The following COL13A1 variants were observed in gnomAD, a reference collection of about 807,000 sequenced individuals.
COL13A1 encodes the protein collagen type XIII alpha 1 chain.
In COL13A1, 89 loss-of-function variants were observed where a neutral mutation model predicts 130.9. That is an observed-to-expected ratio of 0.68 (90% CI 0.57 to 0.81). The LOEUF (loss-of-function observed/expected upper bound fraction) is 0.81. Among genes scored for constraint, COL13A1 ranks in the 30% least tolerant of loss-of-function variants. The probability of loss-of-function intolerance (pLI) is 0.00; values close to 1 mark genes in which losing one functional copy is unlikely to be tolerated. For synonymous variants in COL13A1, 402 were observed against 341.6 expected (o/e 1.18, Z -1.95); for missense variants, 879 against 934.6 (o/e 0.94, Z 0.78).
intron 1 of COL13A1, 91 bp from the exon 2 acceptor site, chr10:69,822,278 C>T: frequency 1.0e-6 from 1 of 994,618 alleles, no homozygotes; most frequent in South Asian, 1.9e-5. Flanking sequence ...GTTTCCCCCT[C>T]TTCCTGCCCT....
At chr10:69,891,264 C>T (rs999565210) in intron 10 of COL13A1, among the ~76,000 whole-genome samples, 3 of 152,252 alleles carry the variant, frequency 2.0e-5, no homozygotes, top group African/African-American at 7.2e-5. Flanking sequence ...ACAAAAACCT[C>T]ACCCAGGCCA....
intron 21 of COL13A1, among the ~76,000 whole-genome samples, chr10:69,921,254 A>G (rs1011573449): frequency 6.6e-6 from 1 of 152,080 alleles, no homozygotes; most frequent in Non-Finnish European, 1.5e-5. Context: ...CTCTGCCTCC[A>G]TCTCCATATG....
chr10:69,841,164 C>A (rs1851505449), intron 2 of COL13A1, among the ~76,000 whole-genome samples: 1 of 151,980 alleles, frequency 6.6e-6, no homozygotes, highest in Non-Finnish European at 1.5e-5. Context: ...GCTCTTCCCT[C>A]TGCCAGGAAC....
At chr10:69,840,196 G>A (rs529004892) in intron 2 of COL13A1, among the ~76,000 whole-genome samples, 199 of 152,322 alleles carry the variant, frequency 1.3e-3, no homozygotes, top group Admixed American at 2.2e-3. Flanking sequence ...ACTGGGCTGG[G>A]CTGTGAAGCT....
rs558873336 is a variant in COL13A1, at chr10:69,860,792, G to A, written c.365-7006G>A. The A allele has an allele frequency of 1.8e-3, 394 of 214,860 alleles. 2 individuals are homozygous for A. The highest frequency in any genetic ancestry group is 3.0e-3 in the Non-Finnish European group (311 of 102,806). The allele number at this position is 214,860 out of a possible 1,614,324, so 13.3% of individuals were successfully genotyped here. A position where few individuals can be genotyped will look rare whatever the true frequency, so the allele number is the denominator to read the frequency against. ...GGGATGTGGGACTCTGGCATCAAGG[G>A]AGCTGCAGGGATGGTAAGGGGATCT... On this transcript the variant is annotated intron_variant, in intron 2 of 40. Transcript: ENST00000645393.
chr10:69,833,960 G>A (rs936358854), intron 2 of COL13A1, among the ~76,000 whole-genome samples: 7 of 152,182 alleles, frequency 4.6e-5, no homozygotes, highest in African/African-American at 1.7e-4. Context: ...AGGTTTCTCA[G>A]AGGGATGTGA....
chr10:69,938,033 G>A (rs2067167635), intron 34 of COL13A1, among the ~76,000 whole-genome samples: 1 of 152,228 alleles, frequency 6.6e-6, no homozygotes, highest in African/African-American at 2.4e-5. Flanking sequence ...TGCCTTTACG[G>A]GGCCAAGCTT....
At chr10:69,810,376 G>GAGAGAGAGAGAGACAGAGAC (rs1230051691) in intron 1 of COL13A1, among the ~76,000 whole-genome samples, 21 of 133,916 alleles carry the variant, frequency 1.6e-4, no homozygotes, top group African/African-American at 4.6e-4. Flanking sequence ...GAGAGAGAGA[G>GAGAGAGAGAGAGACAGAGAC]AGAGACAGAG....
chr10:69,855,739 G>A (rs982235191), intron 2 of COL13A1, among the ~76,000 whole-genome samples: 1 of 107,438 alleles, frequency 9.3e-6, no homozygotes, highest in Non-Finnish European at 2.1e-5. Flanking sequence ...ACTTATGTGG[G>A]GCTTGTCTTC....
At chr10:69,804,465 C>T (rs1170556835) in intron 1 of COL13A1, among the ~76,000 whole-genome samples, 1 of 152,022 alleles carries the variant, frequency 6.6e-6, no homozygotes, top group Admixed American at 6.6e-5. Flanking sequence ...GCTGCAGCTC[C>T]ATATTTACCC....
intron 2 of COL13A1, among the ~76,000 whole-genome samples, chr10:69,867,034 C>T (rs550019993): frequency 1.3e-5 from 2 of 152,288 alleles, no homozygotes; most frequent in East Asian, 3.9e-4. Context: ...TTCCCTCCCG[C>T]TCCCCACCCC....
chr10:69,939,867 G>A (rs908030079), intron 34 of COL13A1, among the ~76,000 whole-genome samples: 1 of 152,224 alleles, frequency 6.6e-6, no homozygotes, highest in Admixed American at 6.5e-5. Context: ...CTAAATCTGA[G>A]AAGAGTCCCT....
chr10:69,839,746 G>T (rs1393858885), intron 2 of COL13A1, among the ~76,000 whole-genome samples: 1 of 148,330 alleles, frequency 6.7e-6, no homozygotes, highest in Non-Finnish European at 1.5e-5. Flanking sequence ...TGTGTCTGAA[G>T]AAGAGAAAGG....
At chr10:69,816,955 C>T (rs949044988) in intron 1 of COL13A1, among the ~76,000 whole-genome samples, 2 of 152,116 alleles carry the variant, frequency 1.3e-5, no homozygotes, top group Admixed American at 6.5e-5. Context: ...TTCTCTTTTC[C>T]GTTTTTATGC....
At chr10:69,945,795 G>C in intron 37 of COL13A1, 71 bp downstream of exon 37, 1 of 1,549,830 alleles carries the variant, frequency 6.5e-7, no homozygotes, top group Non-Finnish European at 8.7e-7. Context: ...ACGGCCGGCC[G>C]GGCATGGTGG....
intron 17 of COL13A1, among the ~76,000 whole-genome samples, chr10:69,910,185 T>C (rs1169713493): frequency 1.3e-5 from 2 of 152,038 alleles, no homozygotes; most frequent in Non-Finnish European, 2.9e-5. Context: ...CATGCTCTGC[T>C]CTCTGCTTGG....
chr10:69,956,330 C>T (rs1488381824), intron 39 of COL13A1: 1 of 152,296 alleles, frequency 6.6e-6, no homozygotes, highest in East Asian at 1.9e-4. Context: ...CAAAGGAGAC[C>T]GACGGTGTGC....
intron 2 of COL13A1, among the ~76,000 whole-genome samples, chr10:69,857,413 T>A (rs1248423908): frequency 1.3e-5 from 2 of 152,154 alleles, no homozygotes; most frequent in Non-Finnish European, 2.9e-5. Context: ...AAGGGCCTGG[T>A]ACTGGTTCAG....
At chr10:69,829,968 A>G (rs1399032182) in intron 2 of COL13A1, among the ~76,000 whole-genome samples, 1 of 152,210 alleles carries the variant, frequency 6.6e-6, no homozygotes, top group African/African-American at 2.4e-5. Flanking sequence ...TGTTTCTCCT[A>G]GATCCGCTCT....
Sources: allele counts gnomAD v4.1 joint callset (sites outside exome capture counted in the v4.1 genomes callset), GRCh38; gene constraint gnomAD v4.1.1; transcripts MANE v1.5; gene names NCBI Gene and HGNC (gene_info 2026-07-23, HGNC 2026-07-21).